GLI3: variants seen among roughly 807,000 people sequenced by gnomAD.
GLI3 encodes the protein GLI family zinc finger 3.
A neutral mutation model predicts 100.8 loss-of-function variants in GLI3; 20 were observed. The ratio of observed to expected loss-of-function variants is 0.20; its 90% CI spans 0.14 to 0.29. The LOEUF (loss-of-function observed/expected upper bound fraction) is 0.29, where lower values mean the gene tolerates loss of function less well. Ranked by LOEUF, GLI3 falls within the 10% of genes least tolerant of loss-of-function variation. The pLI is 1.00. For missense variants in GLI3, 2,040 were observed against 2,128.5 expected (o/e 0.96, Z 0.82); for synonymous variants, 938 against 860.5 (o/e 1.09, Z -1.58).
At chr7:42,106,216 C>T (rs1055356441) in intron 3 of GLI3, among the ~76,000 whole-genome samples, 6 of 152,180 alleles carry the variant, frequency 3.9e-5, no homozygotes, top group Admixed American at 2.6e-4. Flanking sequence ...CCATGCTGCT[C>T]ACTGTAAATG....
intron 2 of GLI3, among the ~76,000 whole-genome samples, chr7:42,174,810 C>T (rs1380767141): frequency 2.0e-5 from 3 of 152,198 alleles, no homozygotes; most frequent in Non-Finnish European, 2.9e-5. Context: ...TCTGTCACTA[C>T]ACTCAGCTCC....
At position 42,026,385 on chromosome 7, in the gene GLI3, G is replaced by A. The variant is rs372501575; in HGVS notation, c.1056C>T (p.Ser352=). The change falls in exon 8 of 15, where the codon TCC becomes TCT. Residue 352 remains serine, a synonymous_variant. Transcript: ENST00000395925. ...ISPALSFTYS[S]APVSLHMHQQ... is the part of the protein sequence containing the mutation. ...GATGCATGTGGAGAGAGACGGGCGCGGAAGAGTAGGTGAAGCTCAAGGCAG... is the reference window on the plus strand; with the variant it reads ...GATGCATGTGGAGAGAGACGGGCGCAGAAGAGTAGGTGAAGCTCAAGGCAG... 1.1e-4 allele frequency: 180 copies of A among 1,614,018 alleles called. No individual in the cohort carries two copies. The highest frequency in any genetic ancestry group is 3.3e-4 in the Middle Eastern group (2 of 6,076).
chr7:42,058,345 A>G (rs988165737), intron 4 of GLI3, among the ~76,000 whole-genome samples: 4 of 152,210 alleles, frequency 2.6e-5, no homozygotes, highest in Non-Finnish European at 5.9e-5. Context: ...ATCATTCATC[A>G]TCATTTACTG....
At chr7:42,204,828 A>G (rs561466504) in intron 2 of GLI3, among the ~76,000 whole-genome samples, 1 of 152,166 alleles carries the variant, frequency 6.6e-6, no homozygotes, top group African/African-American at 2.4e-5. Context: ...TATTGTATGC[A>G]CGACTTCCCC....
intron 10 of GLI3, among the ~76,000 whole-genome samples, chr7:41,990,186 T>G (rs1787944456): frequency 1.3e-5 from 2 of 151,802 alleles, no homozygotes; most frequent in African/African-American, 4.8e-5. Flanking sequence ...GAAGATTTAA[T>G]TTTTAGTCTC....
chr7:41,988,571 C>T (rs1163576885), intron 10 of GLI3, among the ~76,000 whole-genome samples: 1 of 152,090 alleles, frequency 6.6e-6, no homozygotes, highest in Non-Finnish European at 1.5e-5. Context: ...GAGCCCTCTC[C>T]CTTTCTGTGT....
rs753894499 is a variant in GLI3, at chr7:41,966,049, C to T, written c.3024G>A (p.Pro1008=). 1.8e-5 allele frequency: 29 copies of T among 1,585,018 alleles called. No homozygotes were observed. The highest frequency in any genetic ancestry group is 3.3e-4 in the Middle Eastern group (2 of 6,014). ...CCAGGCCCTCGGAGCCTGTCCGCACCGGGTCGCTGGCCCTCCTCACGCCGT... is the reference window on the plus strand; with the variant it reads ...CCAGGCCCTCGGAGCCTGTCCGCACTGGGTCGCTGGCCCTCCTCACGCCGT... ...PGHGVRRASD[P]VRTGSEGLAL... Residue 1008 remains proline, a synonymous_variant, in exon 15 of 15, where the codon CCG becomes CCA. Transcript: ENST00000395925. This position sits in a 1 kb window ranked among gnomAD's most constrained non-coding sequence, Gnocchi z 5.8.
Position 41,964,241 on chromosome 7 carries a change from C to T in GLI3, c.*89G>A. The T allele has an allele frequency of 9.0e-7, 1 of 1,106,240 alleles. No homozygotes were observed. Among genetic ancestry groups the T allele is most frequent in the Non-Finnish European group, 1.4e-6 (1 of 732,372 alleles). The allele number at this position is 1,106,240 out of a possible 1,614,324, so 68.5% of individuals were successfully genotyped here. ...TGAGATGAGATTGCTAAAATACATA[C>T]AGAACTAAAAAAACAGCCAAAACAA... On this transcript the variant is annotated 3_prime_UTR_variant, in exon 15 of 15. Coordinates refer to ENST00000395925, the MANE Select transcript of GLI3 (RefSeq NM_000168.6).
intron 10 of GLI3, among the ~76,000 whole-genome samples, chr7:42,017,583 G>T (rs957771071): frequency 6.6e-6 from 1 of 152,138 alleles, no homozygotes; most frequent in Non-Finnish European, 1.5e-5. Flanking sequence ...ACTTGAGGGA[G>T]AATCTGTTTA....
intron 3 of GLI3, among the ~76,000 whole-genome samples, chr7:42,101,792 C>T (rs1470278941): frequency 1.4e-5 from 2 of 146,460 alleles, no homozygotes; most frequent in Admixed American, 6.8e-5. Context: ...CCCACTAACT[C>T]GTCATCTAGC....
At chr7:42,133,701 G>A (rs1199251183) in intron 3 of GLI3, among the ~76,000 whole-genome samples, 2 of 150,056 alleles carry the variant, frequency 1.3e-5, no homozygotes, top group African/African-American at 4.9e-5. Flanking sequence ...CATTATGAGA[G>A]AAACACTTCA....
chr7:41,964,533 C>T lies in GLI3; in HGVS notation c.4540G>A (p.Asp1514Asn). Residue 1514 changes from aspartate to asparagine, a missense_variant, in exon 15 of 15, where the codon GAC (aspartate) becomes AAC (asparagine). Physicochemically the swap from Asp to Asn is conservative, Grantham distance 23 (BLOSUM62 1). Around this residue, in one of 5 missense-constraint regions of GLI3, gnomAD observed 1,041 missense variants for 924.0 expected, o/e 1.13. Transcript: ENST00000395925. ...IDFDAIIDDG[D>N]HSSLMSGALS... ...GCCCCCGACATCAGGCTGGAGTGGTCCCCATCGTCTATGATGGCATCGAAG... is the reference window on the plus strand; with the variant it reads ...GCCCCCGACATCAGGCTGGAGTGGTTCCCATCGTCTATGATGGCATCGAAG... 3.7e-6 allele frequency: 6 copies of T among 1,613,588 alleles called. No individual in the cohort carries two copies. The highest frequency in any genetic ancestry group is 4.2e-6 in the Non-Finnish European group (5 of 1,179,492).
At chr7:41,982,167 T>C (rs939509813) in intron 10 of GLI3, among the ~76,000 whole-genome samples, 12 of 152,206 alleles carry the variant, frequency 7.9e-5, no homozygotes, top group African/African-American at 2.7e-4. Flanking sequence ...ACAGTTATTT[T>C]TCTTTAAATG....
At chr7:41,974,582 T>A (rs1787458061) in intron 12 of GLI3, among the ~76,000 whole-genome samples, 1 of 152,198 alleles carries the variant, frequency 6.6e-6, no homozygotes, top group South Asian at 2.1e-4. Context: ...GAAGATGCAA[T>A]GATCTGTAAT....
chr7:42,117,088 T>C (rs2128769295), intron 3 of GLI3, among the ~76,000 whole-genome samples: 1 of 152,374 alleles, frequency 6.6e-6, no homozygotes, highest in African/African-American at 2.4e-5. Flanking sequence ...CCCTATTTTG[T>C]GGGAGTCCCA....
intron 10 of GLI3, among the ~76,000 whole-genome samples, chr7:42,023,083 T>C (rs1345650023): frequency 3.3e-5 from 5 of 152,142 alleles, no homozygotes; most frequent in African/African-American, 4.8e-5. Flanking sequence ...AAGAAATCCC[T>C]CATCTCCACA....
chr7:42,170,891 A>T (rs1220512734), intron 2 of GLI3, among the ~76,000 whole-genome samples: 5 of 152,266 alleles, frequency 3.3e-5, no homozygotes, highest in Non-Finnish European at 1.5e-5. Context: ...GCCCAGTTTA[A>T]CCCTAATTCC....
At chr7:42,234,585 AT>A (rs1788753936) in intron 1 of GLI3, among the ~76,000 whole-genome samples, 1 of 152,212 alleles carries the variant, frequency 6.6e-6, no homozygotes, top group Admixed American at 6.5e-5. Context: ...AAATGTGTTT[AT>A]ATCAAGGTTC....
intron 10 of GLI3, among the ~76,000 whole-genome samples, chr7:41,980,110 T>C (rs895844252): frequency 2.0e-5 from 3 of 152,198 alleles, no homozygotes; most frequent in African/African-American, 7.2e-5. Flanking sequence ...CAGAAAAATC[T>C]GATGAAGAGC....
Sources: gnomAD v4.1 joint callset for allele counts (sites outside exome capture counted in the v4.1 genomes callset) on GRCh38, gnomAD v4.1.1 for gene constraint, gnomAD v4.1.1 regional missense constraint, Gnocchi (gnomAD v3.1) non-coding constraint, MANE v1.5 for transcripts, NCBI Gene and HGNC (gene_info 2026-07-23, HGNC 2026-07-21) for gene names.